Variants in PAK1IP1 observed in about 807,000 individuals in gnomAD.
The protein encoded by PAK1IP1 is PAK1 interacting protein 1.
PAK1IP1 carries 24 observed loss-of-function variants against 42.0 expected under a neutral mutation model. The observed-to-expected ratio is 0.57, with a 90% CI of 0.41 to 0.80. PAK1IP1 has a LOEUF of 0.80. Ranked by LOEUF, PAK1IP1 falls within the 30% of genes least tolerant of loss-of-function variation. The pLI, the probability that PAK1IP1 is intolerant of heterozygous loss-of-function variation, is 0.00. For missense variants in PAK1IP1, 411 were observed against 467.9 expected (o/e 0.88, Z 1.12); for synonymous variants, 154 against 156.7 (o/e 0.98, Z 0.13).
intron 7 of PAK1IP1, among the ~76,000 whole-genome samples, chr6:10,705,805 T>A (rs1235032567): frequency 6.6e-6 from 1 of 152,258 alleles, no homozygotes; most frequent in Non-Finnish European, 1.5e-5. Flanking sequence ...ATGTCTCAAA[T>A]GAGTCTTAAT....
intron 5 of PAK1IP1, among the ~76,000 whole-genome samples, chr6:10,703,719 A>G (rs1406594513): frequency 1.3e-5 from 2 of 152,260 alleles, no homozygotes; most frequent in Admixed American, 1.3e-4. Context: ...CATGGGTTTT[A>G]TCCTCGAGAT....
intron 5 of PAK1IP1, among the ~76,000 whole-genome samples, 162 bp downstream of exon 5, chr6:10,703,619 A>C (rs1770105976): frequency 6.6e-6 from 1 of 152,208 alleles, no homozygotes; most frequent in South Asian, 2.1e-4. Flanking sequence ...TCATACACAA[A>C]ATTATTTAAA....
rs368104053 is a variant in PAK1IP1 at position 10,708,739 on chromosome 6, T to C, written c.841-214T>C. ...ATGTTCCCCTTCCTGTGTCTGTGTG[T>C]TCTCATTGTTCAATTCCCACCTATG... On this transcript the variant is annotated intron_variant, in intron 8 of 9. Transcript: ENST00000379568. 3.3e-5 allele frequency among the ~76,000 whole-genome samples: 5 copies of C among 151,894 alleles called. No homozygotes were observed. The East Asian group carries it at 9.7e-4, about 29-fold the overall frequency.
intron 7 of PAK1IP1, among the ~76,000 whole-genome samples, chr6:10,705,541 AGGAG>A (rs1477340358): frequency 0.013 from 1,965 of 152,066 alleles, 46 homozygotes; most frequent in African/African-American, 0.044. Context: ...TTTTTCCTGC[AGGAG>A]AAGTGAATTG....
At chr6:10,692,272 G>A (rs529440378), upstream of PAK1IP1, among the ~76,000 whole-genome samples, 14 of 152,196 alleles carry the variant, frequency 9.2e-5, no homozygotes, top group Non-Finnish European at 1.8e-4. Flanking sequence ...AACTTACAAT[G>A]TCCTGCTTAC....
In PAK1IP1 at chr6:10,709,253, C is replaced by T. The variant is rs750835827; in HGVS notation, c.980C>T (p.Ser327Phe). The change falls in exon 10 of 10, where the codon TCC becomes TTC. Residue 327 changes from serine (S) to phenylalanine (F), a missense_variant. Physicochemically the swap from Ser to Phe is radical, Grantham distance 155 (BLOSUM62 -2). Coordinates refer to ENST00000379568, the MANE Select transcript of PAK1IP1 (RefSeq NM_017906.3). Reference sequence around the variant, plus strand: ...TGTGTTTTAGTAAGTAAAGAACAGTCCAAAATTGGCAAAAAGGAGCCTGGT... The same window carrying T: ...TGTGTTTTAGTAAGTAAAGAACAGTTCAAAATTGGCAAAAAGGAGCCTGGT... ...AEPSPVSKEQ[S>F]KIGKKEPGDT... 1.2e-6 allele frequency: 2 copies of T among 1,609,766 alleles called. No individual in the cohort carries two copies. Among genetic ancestry groups the T allele is most frequent in the East Asian group, 2.2e-5 (1 of 44,840 alleles).
chr6:10,704,114 C>G (rs990272384), intron 5 of PAK1IP1, among the ~76,000 whole-genome samples: 1 of 152,160 alleles, frequency 6.6e-6, no homozygotes, highest in African/African-American at 2.4e-5. Context: ...CCTCTGCCTT[C>G]TGAGTTCGTT....
rs1361731562 is a variant in PAK1IP1 at position 10,695,009 on chromosome 6, C to G, written c.24C>G (p.Tyr8Ter). The change falls in exon 1 of 10, where the codon TAC becomes TAG. Residue 8 changes from tyrosine (Y) to a stop codon, truncating the protein, a stop_gained. Coordinates refer to ENST00000379568, the MANE Select transcript of PAK1IP1 (RefSeq NM_017906.3). LOFTEE classifies it high-confidence loss of function. ...GAATGGAGCTGGTCGCTGGTTGCTA[C>G]GAGCAGGTCCTCTTTGGGTTCGCTG... MELVAGC[Y>*]EQVLFGFAVH... 6.2e-7 allele frequency: 1 copy of G among 1,600,302 alleles called. No homozygotes were observed.
Position 10,708,947 on chromosome 6 carries a change from GT to G in PAK1IP1, c.841-3del. ...CACATTATGAATGTTTGTTTCTTCT[GT>G]TTAGAAAGTTCCCCCATCTTTACTC... On this transcript the variant is annotated splice_region_variant and splice_polypyrimidine_tract_variant and intron_variant, in intron 8 of 9. Coordinates refer to ENST00000379568, the MANE Select transcript of PAK1IP1 (RefSeq NM_017906.3). 1 of 1,598,722 alleles carries G rather than the reference GT, an allele frequency of 6.3e-7. No individual in the cohort carries two copies. Among genetic ancestry groups the G allele is most frequent in the South Asian group, 1.1e-5 (1 of 88,264 alleles).
intron 5 of PAK1IP1, among the ~76,000 whole-genome samples, chr6:10,704,121 C>T (rs1022040271): frequency 6.6e-6 from 1 of 151,992 alleles, no homozygotes; most frequent in Admixed American, 6.6e-5. Context: ...CTTCTGAGTT[C>T]GTTATTCTCC....
rs112971132 is a variant in PAK1IP1, at chr6:10,704,749, G to A, written c.645G>A (p.Glu215=). 3.1e-6 allele frequency: 5 copies of A among 1,610,998 alleles called. No homozygotes were observed. The highest frequency in any genetic ancestry group is 4.2e-6 in the Non-Finnish European group (5 of 1,177,112). The change falls in exon 7 of 10, where the codon GAG becomes GAA. Residue 215 remains glutamate, a splice_region_variant and synonymous_variant. Transcript: ENST00000379568. ...KRISSVKFLS[E]SVLAVAGDEE... is the part of the protein sequence containing the mutation. Reference sequence around the variant, plus strand: ...TTACTCTTTTTCCTCTCTCCTAGGAGTCTGTCCTTGCAGTGGCTGGAGATG... The same window carrying A: ...TTACTCTTTTTCCTCTCTCCTAGGAATCTGTCCTTGCAGTGGCTGGAGATG...
upstream of PAK1IP1, chr6:10,694,495 C>G (rs1039437553): frequency 6.4e-6 from 1 of 156,910 alleles, no homozygotes; most frequent in Non-Finnish European, 1.4e-5. Flanking sequence ...CCTCCTTACC[C>G]TATTAACGAC....
At chr6:10,692,439 TAAAG>T (rs1486392820), upstream of PAK1IP1, among the ~76,000 whole-genome samples, 1 of 152,156 alleles carries the variant, frequency 6.6e-6, no homozygotes, top group Non-Finnish European at 1.5e-5. Flanking sequence ...TAGCACAAAG[TAAAG>T]AAAGAATGAC....
intron 8 of PAK1IP1, among the ~76,000 whole-genome samples, chr6:10,708,033 A>G (rs926808853): frequency 6.8e-6 from 1 of 146,002 alleles, no homozygotes; most frequent in Non-Finnish European, 1.5e-5. Context: ...TCCTTTCTTT[A>G]GAATTTTCTT....
Position 10,702,342 on chromosome 6 carries a change from T to G in PAK1IP1, c.248-27T>G, listed in dbSNP as rs60903589. The G allele has an allele frequency of 1.1e-3, 1,724 of 1,591,862 alleles. 20 individuals carry two copies. In the African/African-American group the frequency reaches 0.02, roughly 19 times the overall value. ...GAGTTTGCATTTAAAATGAATATTA[T>G]TTTTGCCTATTTTGGTTTTTCCATA... On this transcript the variant is annotated intron_variant, in intron 2 of 9. Transcript: ENST00000379568.
Position 10,697,491 on chromosome 6 carries a change from G to A in PAK1IP1, c.247+5G>A, listed in dbSNP as rs1769893621. 3 of 1,602,996 alleles carry A rather than the reference G, an allele frequency of 1.9e-6. No individual in the cohort carries two copies. The highest frequency in any genetic ancestry group is 1.7e-5 in the Admixed American group (1 of 59,654). On this transcript the variant is annotated splice_donor_5th_base_variant and intron_variant, in intron 2 of 9. Coordinates refer to ENST00000379568, the MANE Select transcript of PAK1IP1 (RefSeq NM_017906.3). ...GGGCTCTAGTGCATCACAGTGGTAA[G>A]AAAATTGTATCCCTTAAGATGAGAA...
chr6:10,706,840 C>T (rs192140510), intron 7 of PAK1IP1, among the ~76,000 whole-genome samples: 102 of 150,308 alleles, frequency 6.8e-4, no homozygotes, highest in African/African-American at 2.5e-3. Context: ...CTGAGATAGC[C>T]GAGATCCCAC....
chr6:10,703,773 C>A (rs1424610604), intron 5 of PAK1IP1, among the ~76,000 whole-genome samples: 1 of 152,206 alleles, frequency 6.6e-6, no homozygotes, highest in East Asian at 1.9e-4. Flanking sequence ...CAAAATCGTT[C>A]TGGTCCCAAG....
intron 2 of PAK1IP1, among the ~76,000 whole-genome samples, 153 bp downstream of exon 2, chr6:10,697,639 G>A (rs1306835369): frequency 6.6e-6 from 1 of 152,084 alleles, no homozygotes; most frequent in Non-Finnish European, 1.5e-5. Context: ...CTGGCACAAT[G>A]GCTCACACCT....
Sources: gnomAD v4.1 joint callset for allele counts (sites outside exome capture counted in the v4.1 genomes callset) on GRCh38, gnomAD v4.1.1 for gene constraint, MANE v1.5 for transcripts, NCBI Gene and HGNC (gene_info 2026-07-23, HGNC 2026-07-21) for gene names.